Variants in ZNF724 observed in about 807,000 individuals in gnomAD.
ZNF724 encodes the protein zinc finger protein 724 pseudogene.
Under a neutral mutation model 29.3 loss-of-function variants are expected in ZNF724, and 14 were observed. That is an observed-to-expected ratio of 0.48 (90% CI 0.32 to 0.75). The LOEUF is 0.75. Among genes scored for constraint, ZNF724 ranks in the 30% least tolerant of loss-of-function variants. The pLI, the probability that ZNF724 is intolerant of heterozygous loss-of-function variation, is 0.04. For synonymous variants in ZNF724, 180 were observed against 193.6 expected (o/e 0.93, Z 0.58); for missense variants, 557 against 571.2 (o/e 0.98, Z 0.25).
intron 1 of ZNF724, among the ~76,000 whole-genome samples, chr19:23,235,326 C>G (rs1462001688): frequency 5.9e-5 from 9 of 152,014 alleles, no homozygotes; most frequent in Non-Finnish European, 1.5e-5. Flanking sequence ...TAAATATAGA[C>G]AGATGACAGG....
intron 3 of ZNF724, among the ~76,000 whole-genome samples, chr19:23,227,128 G>A (rs1971845791): frequency 6.6e-6 from 1 of 152,066 alleles, no homozygotes; most frequent in African/African-American, 2.4e-5. Context: ...AAATTTCAGA[G>A]AAAATGCAGT....
chr19:23,238,888 CAG>C (rs1698005629), intron 1 of ZNF724, among the ~76,000 whole-genome samples: 1 of 152,234 alleles, frequency 6.6e-6, no homozygotes, highest in Non-Finnish European at 1.5e-5. Context: ...GCCTGGGCGT[CAG>C]AGTGAGACTC....
chr19:23,224,327 C>T (rs373364879), intron 3 of ZNF724, among the ~76,000 whole-genome samples: 17 of 152,156 alleles, frequency 1.1e-4, no homozygotes, highest in East Asian at 5.8e-4. Context: ...GCAGAAGAAT[C>T]GCTTGAACCT....
chr19:23,240,281 CAAAAAAA>C (rs34902602), intron 1 of ZNF724, among the ~76,000 whole-genome samples: 1 of 118,676 alleles, frequency 8.4e-6, no homozygotes, highest in African/African-American at 3.2e-5. Flanking sequence ...GAGACTCTGT[CAAAAAAA>C]AAAAAAAAAA....
In ZNF724 at chr19:23,243,951, AT is replaced by A. The variant is rs1386354930; in HGVS notation, c.3+6288del. 5.5e-3 allele frequency among the ~76,000 whole-genome samples: 292 copies of A among 52,920 alleles called. 1 individual carries two copies. Among genetic ancestry groups the A allele is most frequent in the African/African-American group, 0.017 (257 of 15,350 alleles). The allele number at this position is 52,920 out of a possible 152,430, so 34.7% of individuals were successfully genotyped here. A position where few individuals can be genotyped will look rare whatever the true frequency, so the allele number is the denominator to read the frequency against. ...AAAAAAAAAAAATTAAATTAAATAA[AT>A]AAAAAAAAAAAAATACCTGTTTGGT... On this transcript the variant is annotated intron_variant, in intron 1 of 3. Coordinates refer to ENST00000418100, the MANE Select transcript of ZNF724 (RefSeq NM_001355404.2).
At chr19:23,245,559 G>A (rs1452281464) in intron 1 of ZNF724, among the ~76,000 whole-genome samples, 1 of 151,916 alleles carries the variant, frequency 6.6e-6, no homozygotes. Flanking sequence ...CTTGCAGTGA[G>A]CAGAGATCGC....
intron 3 of ZNF724, among the ~76,000 whole-genome samples, chr19:23,226,359 G>A (rs1971827441): frequency 1.3e-5 from 2 of 152,016 alleles, no homozygotes; most frequent in Admixed American, 6.6e-5. Flanking sequence ...CCCGAGAGAG[G>A]GTCTTTACGG....
intron 3 of ZNF724, among the ~76,000 whole-genome samples, chr19:23,226,664 GATT>G (rs760314354): frequency 1.3e-5 from 2 of 151,970 alleles, no homozygotes; most frequent in Admixed American, 6.6e-5. Flanking sequence ...GTAGAAATAA[GATT>G]ATTTTCACAA....
intron 3 of ZNF724, among the ~76,000 whole-genome samples, chr19:23,225,516 G>C (rs1971810754): frequency 6.6e-6 from 1 of 152,046 alleles, no homozygotes; most frequent in African/African-American, 2.4e-5. Context: ...TGAGGTGGCA[G>C]AATTGCCTGA....
intron 1 of ZNF724, among the ~76,000 whole-genome samples, chr19:23,235,730 CTAGAG>C (rs1364706233): frequency 6.6e-6 from 1 of 152,090 alleles, no homozygotes; most frequent in Non-Finnish European, 1.5e-5. Context: ...AAAGGCCCCT[CTAGAG>C]TAAAGTTTGG....
At chr19:23,226,124 T>C (rs538225185) in intron 3 of ZNF724, among the ~76,000 whole-genome samples, 2 of 145,992 alleles carry the variant, frequency 1.4e-5, no homozygotes, top group South Asian at 4.6e-4. Context: ...GAATCTCGGC[T>C]CACTGCAAGC....
chr19:23,243,306 C>T (rs568402119), intron 1 of ZNF724, among the ~76,000 whole-genome samples: 70 of 150,488 alleles, frequency 4.7e-4, no homozygotes, highest in Non-Finnish European at 9.3e-4. Flanking sequence ...GGTGAAACGC[C>T]GTCTCTACCA....
Position 23,250,338 on chromosome 19 carries a change from G to A in ZNF724, c.-96C>T. On this transcript the variant is annotated 5_prime_UTR_variant, in exon 1 of 4. Transcript: ENST00000418100. ...CAGAGGCTGGGCCTCTAAGAGCAGG[G>A]GACACAAAGCAGGGAAGACGAGACC... 7.5e-6 allele frequency: 4 copies of A among 533,410 alleles called. No homozygotes were observed. Among genetic ancestry groups the A allele is most frequent in the Non-Finnish European group, 1.1e-5 (3 of 266,172 alleles). The allele number at this position is 533,410 out of a possible 1,614,324, so 33.0% of individuals were successfully genotyped here. A position where few individuals can be genotyped will look rare whatever the true frequency, so the allele number is the denominator to read the frequency against.
At chr19:23,248,160 T>C (rs1488980975) in intron 1 of ZNF724, among the ~76,000 whole-genome samples, 2 of 152,226 alleles carry the variant, frequency 1.3e-5, no homozygotes, top group Non-Finnish European at 2.9e-5. Context: ...AGGGGATTAC[T>C]CTTTGCTTTC....
chr19:23,232,840 A>G (rs953853905), intron 1 of ZNF724, among the ~76,000 whole-genome samples: 3 of 151,864 alleles, frequency 2.0e-5, no homozygotes, highest in Non-Finnish European at 4.4e-5. Context: ...TTTATGGCCT[A>G]TAAGAGAGAG....
chr19:23,230,742 GTATA>G (rs1426157790), intron 3 of ZNF724: 1 of 152,096 alleles, frequency 6.6e-6, no homozygotes, highest in East Asian at 1.9e-4. Flanking sequence ...GGAAGGGAAA[GTATA>G]TTCCTTAGAA....
Position 23,223,674 on chromosome 19 carries a change from TTC to T in ZNF724, c.569_570del (p.Arg190AsnfsTer11). On this transcript the variant is annotated frameshift_variant, in exon 4 of 4. Coordinates refer to ENST00000418100, the MANE Select transcript of ZNF724 (RefSeq NM_001355404.2). LOFTEE classifies it low-confidence loss of function (END_TRUNC). The part of the protein sequence containing the change: ...CVLSHLTQHK[R>X]IHTTVNSYKL... The stretch of plus-strand genomic sequence containing the variant: ...TTGTAGGAATTGACAGTAGTGTGAA[TTC>T]TTTTATGTTGAGTTAGGTGTGAAAG... 1.4e-6 allele frequency: 1 copy of T among 715,480 alleles called. No homozygotes were observed. Among genetic ancestry groups the T allele is most frequent in the Non-Finnish European group, 2.6e-6 (1 of 385,734 alleles). The allele number at this position is 715,480 out of a possible 1,614,324, so 44.3% of individuals were successfully genotyped here.
intron 1 of ZNF724, among the ~76,000 whole-genome samples, chr19:23,244,208 A>C (rs1364543489): frequency 6.7e-6 from 1 of 149,716 alleles, no homozygotes; most frequent in African/African-American, 2.5e-5. Flanking sequence ...CAGAACCCTA[A>C]GTTGGTGGGG....
At position 23,223,312 on chromosome 19, in the gene ZNF724, T is replaced by G. The variant is rs747112414; in HGVS notation, c.933A>C (p.Ile311=). ...TAAAAGCTCTGCCACAATGTTCACA[T>G]ATGTAGGGCTTCTCTCCAGCATGAA... is the stretch of plus-strand genomic sequence containing the variant. The part of the protein sequence containing the change: ...KIIHAGEKPY[I]CEHCGRAFNQ... The change falls in exon 4 of 4, where the codon ATA becomes ATC. Residue 311 remains isoleucine, a synonymous_variant. Transcript: ENST00000418100. 2 of 771,992 alleles carry G rather than the reference T, an allele frequency of 2.6e-6. No individual in the cohort carries two copies. Among genetic ancestry groups the G allele is most frequent in the East Asian group, 2.5e-5 (1 of 40,454 alleles). 47.8% of individuals were successfully genotyped at this position (771,992 alleles called of 1,614,324 possible).
Sources: allele counts gnomAD v4.1 joint callset (sites outside exome capture counted in the v4.1 genomes callset), GRCh38; gene constraint gnomAD v4.1.1; transcripts MANE v1.5; gene names NCBI Gene and HGNC (gene_info 2026-07-23, HGNC 2026-07-21).